The following PLSCR4 variants were observed in gnomAD, a reference collection of about 807,000 sequenced individuals.
PLSCR4 encodes the protein phospholipid scramblase 4.
PLSCR4 carries 25 observed loss-of-function variants against 36.3 expected under a neutral mutation model. That is an observed-to-expected ratio of 0.69 (90% confidence interval 0.50 to 0.96). The LOEUF (loss-of-function observed/expected upper bound fraction) is 0.96. Ranked by LOEUF, PLSCR4 falls within the 40% of genes least tolerant of loss-of-function variation. The probability of loss-of-function intolerance (pLI) is 0.00; values close to 1 mark genes in which losing one functional copy is unlikely to be tolerated. For synonymous variants in PLSCR4, 122 were observed against 132.9 expected (o/e 0.92, Z 0.56); for missense variants, 408 against 414.7 (o/e 0.98, Z 0.14).
chr3:146,225,735 C>T (rs887925701), intron 1 of PLSCR4, among the ~76,000 whole-genome samples: 26 of 152,178 alleles, frequency 1.7e-4, no homozygotes, highest in Admixed American at 3.9e-4. Context: ...AGTGTGGGGC[C>T]CGCCAAGCCG....
In PLSCR4 at chr3:146,229,596, TA is replaced by T. The variant is rs1559921471; in HGVS notation, c.-21-7505del. Among the ~76,000 whole-genome samples the T allele has an allele frequency of 8.5e-3, 944 of 110,710 alleles. 12 individuals carry two copies. Among genetic ancestry groups the T allele is most frequent in the African/African-American group, 0.02 (551 of 27,162 alleles). 72.6% of individuals were successfully genotyped at this position (110,710 alleles called of 152,430 possible). ...GATTTTTATCATTTTATTTTTCATTTATTTATTTATTTATTTATTTATTTAT... is the reference window on the plus strand; with the variant it reads ...GATTTTTATCATTTTATTTTTCATTTTTTATTTATTTATTTATTTATTTAT... On this transcript the variant is annotated intron_variant, in intron 1 of 8. Transcript: ENST00000354952.
At chr3:146,199,435 T>C (rs2033921749) in intron 6 of PLSCR4, among the ~76,000 whole-genome samples, 1 of 152,112 alleles carries the variant, frequency 6.6e-6, no homozygotes, top group Admixed American at 6.6e-5. Context: ...CTAAACATAT[T>C]TAAGTCCCTT....
intron 1 of PLSCR4, among the ~76,000 whole-genome samples, chr3:146,222,728 A>G (rs1469929922): frequency 3.3e-5 from 5 of 152,138 alleles, no homozygotes; most frequent in Admixed American, 3.3e-4. Flanking sequence ...CATTTTTGGT[A>G]TTTGCAACTG....
intron 1 of PLSCR4, among the ~76,000 whole-genome samples, chr3:146,243,945 T>G (rs1001527100): frequency 6.6e-6 from 1 of 152,184 alleles, no homozygotes; most frequent in African/African-American, 2.4e-5. Context: ...CTGCCATTGC[T>G]TATTGGTGGC....
In PLSCR4 at chr3:146,251,000, G is replaced by C. The variant is rs937639874; in HGVS notation, c.-62C>G. 3.3e-5 allele frequency: 5 copies of C among 153,202 alleles called. No homozygotes were observed. Among genetic ancestry groups the C allele is most frequent in the Non-Finnish European group, 5.8e-5 (4 of 68,928 alleles). 9.5% of individuals were successfully genotyped at this position (153,202 alleles called of 1,614,324 possible). ...ATGCTGGGCACCGGGGACGCCAGAC[G>C]CCGGGTCTAGTTGTACTGGCAGAGG... On this transcript the variant is annotated 5_prime_UTR_variant, in exon 1 of 9. Transcript: ENST00000354952.
At chr3:146,223,518 C>T (rs1387561661) in intron 1 of PLSCR4, among the ~76,000 whole-genome samples, 2 of 152,128 alleles carry the variant, frequency 1.3e-5, no homozygotes, top group Non-Finnish European at 2.9e-5. Flanking sequence ...CATAAGAATA[C>T]AGTCATTTGC....
At chr3:146,208,909 G>A (rs1168124204) in intron 3 of PLSCR4, among the ~76,000 whole-genome samples, 1 of 152,040 alleles carries the variant, frequency 6.6e-6, no homozygotes, top group African/African-American at 2.4e-5. Flanking sequence ...TCCCACTACT[G>A]GGGTATTTAT....
chr3:146,240,482 G>A (rs192340848), intron 1 of PLSCR4, among the ~76,000 whole-genome samples: 228 of 152,260 alleles, frequency 1.5e-3, no homozygotes, highest in Non-Finnish European at 2.7e-3. Context: ...GCATGTACCC[G>A]TAGTCCCAGC....
At chr3:146,202,169 C>T (rs901846085) in intron 4 of PLSCR4, among the ~76,000 whole-genome samples, 6 of 151,788 alleles carry the variant, frequency 4.0e-5, no homozygotes, top group Non-Finnish European at 8.8e-5. Context: ...ATAAATATGC[C>T]TCATAAAATA....
chr3:146,198,336 A>C (rs1007746469), intron 6 of PLSCR4, among the ~76,000 whole-genome samples: 1 of 152,142 alleles, frequency 6.6e-6, no homozygotes, highest in Non-Finnish European at 1.5e-5. Flanking sequence ...TACAAGTAAA[A>C]CTGGAGAAAT....
intron 3 of PLSCR4, among the ~76,000 whole-genome samples, chr3:146,210,380 T>C (rs1353140964): frequency 6.6e-6 from 1 of 152,166 alleles, no homozygotes; most frequent in South Asian, 2.1e-4. Context: ...TGACAAGACA[T>C]GAAGGCAATT....
At chr3:146,214,827 T>C (rs944047843) in intron 3 of PLSCR4, among the ~76,000 whole-genome samples, 1 of 152,182 alleles carries the variant, frequency 6.6e-6, no homozygotes, top group Non-Finnish European at 1.5e-5. Flanking sequence ...CTTTCCTTTT[T>C]GATCTTCTGC....
At chr3:146,211,063 C>CAT (rs3028536) in intron 3 of PLSCR4, among the ~76,000 whole-genome samples, 53,442 of 151,630 alleles carry the variant, frequency 0.35, 9,645 homozygotes, top group South Asian at 0.46. Flanking sequence ...TTAGTGTGGA[C>CAT]ATGTTTTCAG....
At chr3:146,236,771 T>C (rs1255847516) in intron 1 of PLSCR4, among the ~76,000 whole-genome samples, 4 of 151,586 alleles carry the variant, frequency 2.6e-5, no homozygotes, top group African/African-American at 7.3e-5. Context: ...AGCGTGAAAA[T>C]GGACTAATAC....
chr3:146,233,039 A>C (rs1277053994), intron 1 of PLSCR4, among the ~76,000 whole-genome samples: 1 of 152,092 alleles, frequency 6.6e-6, no homozygotes, highest in East Asian at 1.9e-4. Context: ...ACATACATCA[A>C]TTTCTTTGAC....
Position 146,199,917 on chromosome 3 carries a change from A to C in PLSCR4, c.520T>G (p.Phe174Val), listed in dbSNP as rs2033956187. The C allele has an allele frequency of 1.2e-6, 2 of 1,613,618 alleles. No individual in the cohort carries two copies. The highest frequency in any genetic ancestry group is 1.7e-6 in the Non-Finnish European group (2 of 1,179,768). ...TRNAYRTLRP[F>V]VLRVTDCMGR... ...ATACAATCAGTGACCCGGAGGACGA[A>C]GGGCCTTAGTGTCCGATAGGCATTC... Residue 174 changes from phenylalanine (F) to valine (V), a missense_variant, in exon 6 of 9, where the codon TTC becomes GTC. By Grantham distance (50) the Phe-to-Val change is conservative. Coordinates refer to ENST00000354952, the MANE Select transcript of PLSCR4 (RefSeq NM_020353.3).
chr3:146,214,051 T>TATA (rs2034768741), intron 3 of PLSCR4, among the ~76,000 whole-genome samples: 1 of 152,078 alleles, frequency 6.6e-6, no homozygotes, highest in East Asian at 1.9e-4. Flanking sequence ...TAATCTTTAT[T>TATA]ATTTCCTACC....
chr3:146,217,091 T>A (rs1317296070), intron 3 of PLSCR4, among the ~76,000 whole-genome samples: 1 of 152,178 alleles, frequency 6.6e-6, no homozygotes, highest in African/African-American at 2.4e-5. Context: ...GCTAGAAATA[T>A]AAGACAGAAA....
rs60242461 is a variant in PLSCR4, at chr3:146,213,334, CT to C, written c.119-6574del. On this transcript the variant is annotated intron_variant, in intron 3 of 8. Coordinates refer to ENST00000354952, the MANE Select transcript of PLSCR4 (RefSeq NM_020353.3). ...TTCATGCAGCATTTAGTAAAATTTC[CT>C]TTTTTTTTTTTTTTTGTGATGTAGT... is the stretch of plus-strand genomic sequence containing the variant. 7.5e-3 allele frequency among the ~76,000 whole-genome samples: 946 copies of C among 125,490 alleles called. 4 individuals carry two copies. The highest frequency in any genetic ancestry group is 0.012 in the South Asian group (45 of 3,704). 82.3% of individuals were successfully genotyped at this position (125,490 alleles called of 152,430 possible). A position where few individuals can be genotyped will look rare whatever the true frequency, so the allele number is the denominator to read the frequency against.
Sources: allele counts gnomAD v4.1 joint callset (sites outside exome capture counted in the v4.1 genomes callset), GRCh38; gene constraint gnomAD v4.1.1; transcripts MANE v1.5; gene names NCBI Gene and HGNC (gene_info 2026-07-23, HGNC 2026-07-21).